Variants in EXOC4 observed in about 807,000 individuals in gnomAD.
EXOC4 encodes exocyst complex component 4, also known as SEC8-like 1.
A neutral mutation model predicts 107.2 loss-of-function variants in EXOC4; 71 were observed. That is an observed-to-expected ratio of 0.66 (90% confidence interval 0.55 to 0.81). The LOEUF is 0.81. Ranked by LOEUF, EXOC4 falls within the 30% of genes least tolerant of loss-of-function variation. The pLI is 0.00. For synonymous variants in EXOC4, 456 were observed against 441.2 expected (o/e 1.03, Z -0.42); for missense variants, 1,108 against 1,189.6 (o/e 0.93, Z 1.01).
chr7:133,289,240 C>T, intron 3 of EXOC4, 124 bp downstream of exon 3: 2 of 751,214 alleles, frequency 2.7e-6, no homozygotes, highest in Non-Finnish European at 4.2e-6. Context: ...TTCATGAGCC[C>T]TTGAAGGTGA....
chr7:133,593,196 C>A (rs573356680), intron 9 of EXOC4, among the ~76,000 whole-genome samples: 2 of 152,350 alleles, frequency 1.3e-5, no homozygotes, highest in African/African-American at 4.8e-5. Context: ...ATAGTAAGCA[C>A]TGTGATGCTA....
intron 10 of EXOC4, among the ~76,000 whole-genome samples, chr7:133,711,082 C>G (rs764902010): frequency 6.6e-6 from 1 of 152,170 alleles, no homozygotes; most frequent in Non-Finnish European, 1.5e-5. Flanking sequence ...TTTTTACTGA[C>G]TTGTTCTGTT....
At chr7:133,770,648 T>C (rs1295785579) in intron 10 of EXOC4, among the ~76,000 whole-genome samples, 1 of 151,870 alleles carries the variant, frequency 6.6e-6, no homozygotes, top group Non-Finnish European at 1.5e-5. Context: ...GGAGGTCATA[T>C]CTAGCTGGGG....
intron 10 of EXOC4, among the ~76,000 whole-genome samples, chr7:133,804,473 G>A (rs537804546): frequency 1.3e-5 from 2 of 152,210 alleles, no homozygotes; most frequent in African/African-American, 4.8e-5. Context: ...CAGCAATAAG[G>A]GTGGTTGCCA....
At chr7:133,434,703 GT>G (rs573535529) in intron 7 of EXOC4, among the ~76,000 whole-genome samples, 1 of 152,164 alleles carries the variant, frequency 6.6e-6, no homozygotes, top group Non-Finnish European at 1.5e-5. Flanking sequence ...CTTTGAGCTT[GT>G]TTAACCAATT....
At chr7:133,316,927 T>G (rs1402221849) in intron 4 of EXOC4, among the ~76,000 whole-genome samples, 1 of 152,210 alleles carries the variant, frequency 6.6e-6, no homozygotes, top group Non-Finnish European at 1.5e-5. Context: ...AAATTAATAT[T>G]TAATACAGAT....
intron 14 of EXOC4, among the ~76,000 whole-genome samples, chr7:133,976,170 A>G (rs1317759280): frequency 6.6e-6 from 1 of 152,190 alleles, no homozygotes; most frequent in East Asian, 1.9e-4. Flanking sequence ...GTGTGTGGCT[A>G]TGTTTAGGCA....
At chr7:134,085,449 T>C in the EXOC4 span, among the ~76,000 whole-genome samples, 1 of 152,192 alleles carries the variant, frequency 6.6e-6, no homozygotes, top group Non-Finnish European at 1.5e-5. Context: ...AGCAAAATGT[T>C]GTAACATTTT....
intron 4 of EXOC4, among the ~76,000 whole-genome samples, chr7:133,316,095 C>T (rs186514323): frequency 6.6e-6 from 1 of 152,044 alleles, no homozygotes; most frequent in Non-Finnish European, 1.5e-5. Context: ...CACTTGAACC[C>T]GAATTATCAC....
chr7:133,794,517 T>C (rs980810023), intron 10 of EXOC4, among the ~76,000 whole-genome samples: 9 of 152,232 alleles, frequency 5.9e-5, no homozygotes, highest in Non-Finnish European at 1.0e-4. Flanking sequence ...TTAAGTTACC[T>C]GTTTTCCTGA....
At chr7:133,384,272 TCTC>T (rs1048486466) in intron 7 of EXOC4, among the ~76,000 whole-genome samples, 5 of 152,160 alleles carry the variant, frequency 3.3e-5, no homozygotes, top group African/African-American at 9.7e-5. Flanking sequence ...GGAAGGCTGT[TCTC>T]CTTAAATTTT....
intron 5 of EXOC4, among the ~76,000 whole-genome samples, chr7:133,320,422 G>A (rs1049332296): frequency 1.8e-4 from 27 of 152,072 alleles, no homozygotes; most frequent in African/African-American, 6.5e-4. Context: ...AACCAGCAAT[G>A]GTGGGTCACA....
At chr7:134,079,725 A>G in the EXOC4 span, among the ~76,000 whole-genome samples, 1 of 152,314 alleles carries the variant, frequency 6.6e-6, no homozygotes, top group African/African-American at 2.4e-5. Flanking sequence ...GTCCTCCACA[A>G]TAGGACATCT....
intron 7 of EXOC4, among the ~76,000 whole-genome samples, chr7:133,426,486 A>G (rs1179267183): frequency 1.3e-5 from 2 of 152,230 alleles, no homozygotes; most frequent in Non-Finnish European, 2.9e-5. Context: ...TGGGATAATA[A>G]TAGTATCTGT....
chr7:133,279,308 G>A (rs1794076327), intron 2 of EXOC4, among the ~76,000 whole-genome samples: 1 of 152,176 alleles, frequency 6.6e-6, no homozygotes. Context: ...ATAGCAGCAT[G>A]ATTTATAATC....
rs570362888 is a variant in EXOC4, at chr7:134,041,549, CT to C, written c.2688-22740del. Among the ~76,000 whole-genome samples, 245 of 152,208 alleles carry C rather than the reference CT, an allele frequency of 1.6e-3. 1 individual carries two copies. The highest frequency in any genetic ancestry group is 6.8e-3 in the Middle Eastern group (2 of 292). On this transcript the variant is annotated intron_variant, in intron 17 of 17. Coordinates refer to ENST00000253861, the MANE Select transcript of EXOC4 (RefSeq NM_021807.4). The stretch of plus-strand genomic sequence containing the variant: ...TTTTATATAAAATTGTGGTTATCAG[CT>C]TGAACCATTAAATTTACTATTTAAT...
At chr7:133,334,236 C>A (rs978398306) in intron 5 of EXOC4, among the ~76,000 whole-genome samples, 3 of 152,150 alleles carry the variant, frequency 2.0e-5, no homozygotes, top group Non-Finnish European at 4.4e-5. Context: ...TATCTTTTAT[C>A]CCATTCCCAG....
chr7:133,661,312 T>C (rs1803435063), intron 10 of EXOC4, among the ~76,000 whole-genome samples: 1 of 152,110 alleles, frequency 6.6e-6, no homozygotes, highest in Admixed American at 6.5e-5. Context: ...ATTAACCATA[T>C]ACACATCTTA....
chr7:133,331,275 A>T (rs182203433), intron 5 of EXOC4, among the ~76,000 whole-genome samples: 25 of 152,200 alleles, frequency 1.6e-4, no homozygotes, highest in Non-Finnish European at 3.1e-4. Context: ...CCGTGGAAAA[A>T]TTGGCATTTA....
Sources: gnomAD v4.1 joint callset for allele counts (sites outside exome capture counted in the v4.1 genomes callset) on GRCh38, gnomAD v4.1.1 for gene constraint, MANE v1.5 for transcripts, NCBI Gene and HGNC (gene_info 2026-07-23, HGNC 2026-07-21) for gene names.